Variants in MCF2 observed in about 807,000 individuals in gnomAD.
MCF2 encodes MCF.2 cell line derived transforming sequence.
Under a neutral mutation model 82.5 loss-of-function variants are expected in MCF2, and 44 were observed. The observed-to-expected ratio is 0.53, with a 90% CI of 0.42 to 0.69. The LOEUF is 0.69. Among genes scored for constraint, MCF2 ranks in the 30% least tolerant of loss-of-function variants. The pLI, the probability that MCF2 is intolerant of heterozygous loss-of-function variation, is 0.00. For synonymous variants in MCF2, 217 were observed against 224.9 expected, an observed-to-expected ratio of 0.96 and a Z score of 0.32; for missense variants, 623 against 663.1, an observed-to-expected ratio of 0.94 and a Z score of 0.66.
chrX:139,588,930 A>C (rs1043786497), intron 20 of MCF2, among the ~76,000 whole-genome samples: 5 of 100,287 alleles, frequency 5.0e-5, no homozygotes, highest in Admixed American at 1.1e-4. Context: ...ACGCTGTCTC[A>C]AAAAAAAAAA....
chrX:139,621,926 A>G (rs1311681765), intron 6 of MCF2, among the ~76,000 whole-genome samples: 2 of 111,364 alleles, frequency 1.8e-5, no homozygotes, highest in African/African-American at 6.5e-5. Context: ...AGAAACTATC[A>G]TCAGAGTGAA....
At chrX:139,696,341 TCTCTCCTCTCCTCTC>T (rs1213782978) in intron 1 of MCF2, among the ~76,000 whole-genome samples, 1 of 86,099 alleles carries the variant, frequency 1.2e-5, no homozygotes, top group African/African-American at 5.6e-5. Flanking sequence ...TTCTTTCTCT[TCTCTCCTCTCCTCTC>T]CTCTCCTCTC....
intron 13 of MCF2, 41 bp downstream of exon 17, chrX:139,605,672 A>G (rs1263519082): frequency 9.0e-7 from 1 of 1,114,165 alleles, no homozygotes; most frequent in East Asian, 3.1e-5. Flanking sequence ...GCAAGGGATC[A>G]TTCGGGAAAA....
At chrX:139,603,101 C>A (rs1930686545) in intron 15 of MCF2, among the ~76,000 whole-genome samples, 1 of 112,158 alleles carries the variant, frequency 8.9e-6, no homozygotes, top group South Asian at 3.7e-4. Context: ...TTCCCAGGAC[C>A]ATTTGTATAT....
At chrX:139,644,596 T>C (rs1050639896), upstream of MCF2, among the ~76,000 whole-genome samples, 7 of 112,408 alleles carry the variant, frequency 6.2e-5, no homozygotes, top group East Asian at 1.7e-3. Flanking sequence ...ATTCTGAGTA[T>C]TAAAAGAATA....
chrX:139,619,530 G>A (rs769800993), intron 7 of MCF2, 57 bp downstream of exon 10: 21 of 915,223 alleles, frequency 2.3e-5, no homozygotes, highest in South Asian at 1.1e-4. Context: ...ACCTACTCCC[G>A]CCAAAACATG....
At chrX:139,699,510 C>A (rs1181338133) in intron 1 of MCF2, among the ~76,000 whole-genome samples, 1 of 111,994 alleles carries the variant, frequency 8.9e-6, no homozygotes, top group African/African-American at 3.2e-5. Flanking sequence ...TCTTAAGGCC[C>A]CACATCACCA....
intron 24 of MCF2, among the ~76,000 whole-genome samples, chrX:139,583,013 T>C (rs1270487918): frequency 1.8e-5 from 2 of 111,794 alleles, no homozygotes; most frequent in Non-Finnish European, 3.8e-5. Flanking sequence ...TGAGACCCTT[T>C]CAAGGGGTCT....
At chrX:139,653,413 G>A (rs5954098) in intron 1 of MCF2, among the ~76,000 whole-genome samples, 27,275 of 111,496 alleles carry the variant, frequency 0.24, 2,705 homozygotes, top group African/African-American at 0.38. Context: ...GTACAAAGAC[G>A]AATTGATGCA....
intron 2 of MCF2, among the ~76,000 whole-genome samples, chrX:139,651,310 T>G (rs1369297162): frequency 2.7e-5 from 3 of 111,364 alleles, no homozygotes; most frequent in Non-Finnish European, 5.7e-5. Flanking sequence ...ACTTAGTGCA[T>G]GCTGATTATT....
intron 6 of MCF2, among the ~76,000 whole-genome samples, chrX:139,625,822 G>A (rs1932734968): frequency 9.0e-6 from 1 of 111,692 alleles, no homozygotes; most frequent in South Asian, 3.8e-4. Flanking sequence ...GTCAGCATAG[G>A]TACATGGGAT....
chrX:139,707,144 C>T lies in MCF2; in HGVS notation c.-45+962G>A, dbSNP rs141207135. Among the ~76,000 whole-genome samples, 738 of 110,113 alleles carry T rather than the reference C, an allele frequency of 6.7e-3. 10 individuals are homozygous for T. In the East Asian group the frequency reaches 0.079, roughly 12 times the overall value. ...AGGGAGCTGCTCCCATCCCTTTCTA[C>T]CTCTTTCTCACCAAGTTTGGTGAGT... On this transcript the variant is annotated intron_variant, in intron 1 of 27. Transcript: ENST00000414978.
intron 1 of MCF2, among the ~76,000 whole-genome samples, chrX:139,677,293 T>C (rs1252120761): frequency 3.6e-5 from 4 of 111,475 alleles, no homozygotes; most frequent in African/African-American, 1.3e-4. Flanking sequence ...TCCCAACATA[T>C]AAAACCCCAA....
At chrX:139,631,267 C>T (rs894653743) in intron 3 of MCF2, 128 bp downstream of exon 6, 7 of 412,373 alleles carry the variant, frequency 1.7e-5, no homozygotes, top group Non-Finnish European at 3.0e-5. Flanking sequence ...AAAATGAGGG[C>T]CCAGAAAGCT....
In MCF2 at chrX:139,630,106, T is replaced by G. The variant is rs139655762; in HGVS notation, c.289-262A>C. 5.8e-4 allele frequency among the ~76,000 whole-genome samples: 65 copies of G among 111,859 alleles called. No individual in the cohort carries two copies. In the East Asian group the frequency reaches 0.017, roughly 29 times the overall value. ...TCTTGACTTATTTCTTGGACACTAA[T>G]GAAAACTATTTCTTAAAGATGCCAT... is the stretch of plus-strand genomic sequence containing the variant. On this transcript the variant is annotated intron_variant, in intron 3 of 24. Coordinates refer to ENST00000370576, the Ensembl canonical transcript of MCF2.
chrX:139,597,245 G>A (rs1030488514), intron 18 of MCF2, among the ~76,000 whole-genome samples: 12 of 111,368 alleles, frequency 1.1e-4, no homozygotes, highest in South Asian at 3.8e-4. Flanking sequence ...TCTGGGATTG[G>A]GGGAAGACTG....
At chrX:139,646,981 T>C, upstream of MCF2, 1 of 602,565 alleles carries the variant, frequency 1.7e-6, no homozygotes, top group Non-Finnish European at 2.6e-6. Context: ...TAGATTTGAA[T>C]ACTGTTTTGC....
upstream of MCF2, among the ~76,000 whole-genome samples, chrX:139,647,416 T>C (rs1933839665): frequency 1.8e-5 from 2 of 111,995 alleles, no homozygotes; most frequent in South Asian, 3.8e-4. Context: ...AGGAATGACA[T>C]AGGAATTTTA....
chrX:139,593,698 G>A (rs1015395575), intron 19 of MCF2, among the ~76,000 whole-genome samples: 5 of 111,265 alleles, frequency 4.5e-5, no homozygotes, highest in African/African-American at 9.8e-5. Context: ...ATGATCAAGC[G>A]GGCTTCATCC....
Sources: allele counts gnomAD v4.1 joint callset (sites outside exome capture counted in the v4.1 genomes callset), GRCh38; gene constraint gnomAD v4.1.1; transcripts MANE v1.5; gene names NCBI Gene and HGNC (gene_info 2026-07-23, HGNC 2026-07-21).